Variants in KREMEN1 observed in about 807,000 individuals in gnomAD.
KREMEN1 encodes the protein kringle containing transmembrane protein 1, also known as kremen protein 1.
In KREMEN1, 30 loss-of-function variants were observed where a neutral mutation model predicts 46.5. The observed-to-expected ratio is 0.65, with a 90% CI of 0.48 to 0.88. The LOEUF (loss-of-function observed/expected upper bound fraction) is 0.88, where lower values mean the gene tolerates loss of function less well. Ranked by LOEUF, KREMEN1 falls within the 40% of genes least tolerant of loss-of-function variation. KREMEN1 has a pLI of 0.00. For missense variants in KREMEN1, 533 were observed against 596.9 expected, an observed-to-expected ratio of 0.89 and a Z score of 1.11; for synonymous variants, 214 against 230.6, an observed-to-expected ratio of 0.93 and a Z score of 0.65.
intron 3 of KREMEN1, among the ~76,000 whole-genome samples, chr22:29,119,209 A>T (rs2038292586): frequency 6.6e-6 from 1 of 152,090 alleles, no homozygotes; most frequent in African/African-American, 2.4e-5. Flanking sequence ...AATAAAATTA[A>T]AAGGCTATAG....
chr22:29,147,379 G>A (rs1048541080), downstream of KREMEN1, among the ~76,000 whole-genome samples: 2 of 152,178 alleles, frequency 1.3e-5, no homozygotes, highest in African/African-American at 4.8e-5. Flanking sequence ...TGCCCACTCT[G>A]CGCCAGGCAC....
At chr22:29,126,567 C>T (rs1325290615) in intron 5 of KREMEN1, among the ~76,000 whole-genome samples, 1 of 152,164 alleles carries the variant, frequency 6.6e-6, no homozygotes, top group Non-Finnish European at 1.5e-5. Context: ...TAGGGCCCAC[C>T]TTAATTTAGT....
At chr22:29,167,365 T>TAGAA (rs1233094136) in exon 10 of KREMEN1, 1 of 494,434 alleles carries the variant, frequency 2.0e-6, no homozygotes, top group Non-Finnish European at 3.7e-6. Flanking sequence ...TCTCTAAGAA[T>TAGAA]AGAAAGAAAG....
intron 4 of KREMEN1, 143 bp from the exon 5 acceptor site, chr22:29,125,120 G>A (rs182744458): frequency 5.1e-6 from 4 of 778,722 alleles, no homozygotes; most frequent in East Asian, 2.5e-5. Flanking sequence ...TGTTGCAAGA[G>A]TGGAAGAAGG....
chr22:29,162,078 C>A (rs2039016509), intron 9 of KREMEN1, among the ~76,000 whole-genome samples: 1 of 151,124 alleles, frequency 6.6e-6, no homozygotes, highest in Non-Finnish European at 1.5e-5. Flanking sequence ...GATTGTGTCA[C>A]TGCACTCTAG....
chr22:29,114,427 A>G (rs2038201729), intron 3 of KREMEN1, among the ~76,000 whole-genome samples: 1 of 147,174 alleles, frequency 6.8e-6, no homozygotes, highest in Non-Finnish European at 1.5e-5. Flanking sequence ...TGGAGGTTGC[A>G]GTGAACCAAG....
In KREMEN1 at chr22:29,144,850, C is replaced by T; in HGVS notation, c.*2738C>T. ...GGCCATGCCCAAGCCAATGTGCTGT[C>T]ACAGCCTGCAGCGGGGGCAGCACTT... is the stretch of plus-strand genomic sequence containing the variant. On this transcript the variant is annotated 3_prime_UTR_variant, in exon 9 of 9. Coordinates refer to ENST00000400335, the MANE Select transcript of KREMEN1 (RefSeq NM_001039570.3). 1.0e-6 allele frequency: 1 copy of T among 985,544 alleles called. No individual in the cohort carries two copies. Among genetic ancestry groups the T allele is most frequent in the Non-Finnish European group, 1.2e-6 (1 of 830,008 alleles). The allele number at this position is 985,544 out of a possible 1,614,324, so 61.0% of individuals were successfully genotyped here.
chr22:29,087,570 GTT>G (rs134640), intron 1 of KREMEN1, among the ~76,000 whole-genome samples: 23 of 148,424 alleles, frequency 1.5e-4, no homozygotes, highest in African/African-American at 1.7e-4. Context: ...TACATGTCAA[GTT>G]TTTTTTTTTT....
rs1349796539 is a variant in KREMEN1, at chr22:29,146,667, A to G, written c.*4555A>G. ...ATAGAAACATCATGTATTTTAAAAT[A>G]TAAGATGAAGTGTGACGCACTGTAT... is the stretch of plus-strand genomic sequence containing the variant. On this transcript the variant is annotated 3_prime_UTR_variant, in exon 9 of 9. Transcript: ENST00000400335. 1.0e-6 allele frequency: 1 copy of G among 955,286 alleles called. No homozygotes were observed. Among genetic ancestry groups the G allele is most frequent in the Non-Finnish European group, 1.2e-6 (1 of 802,364 alleles). The allele number at this position is 955,286 out of a possible 1,614,324, so 59.2% of individuals were successfully genotyped here. A position where few individuals can be genotyped will look rare whatever the true frequency, so the allele number is the denominator to read the frequency against.
downstream of KREMEN1, among the ~76,000 whole-genome samples, chr22:29,147,834 C>T (rs2038884263): frequency 6.6e-6 from 1 of 152,206 alleles, no homozygotes; most frequent in African/African-American, 2.4e-5. Flanking sequence ...AGGCTCACAT[C>T]CCAGTTCCAC....
chr22:29,163,770 G>A (rs2039031620), intron 9 of KREMEN1, among the ~76,000 whole-genome samples: 1 of 152,168 alleles, frequency 6.6e-6, no homozygotes, highest in African/African-American at 2.4e-5. Context: ...CTACTAAGGG[G>A]GGAAGGGAGA....
intron 5 of KREMEN1, among the ~76,000 whole-genome samples, chr22:29,132,033 T>C (rs5997446): frequency 0.051 from 7,700 of 151,440 alleles, 666 homozygotes; most frequent in African/African-American, 0.18. Flanking sequence ...CCACCACACA[T>C]GGCTAATTTT....
At chr22:29,131,650 A>ATG (rs2049798043) in intron 5 of KREMEN1, among the ~76,000 whole-genome samples, 3 of 116,248 alleles carry the variant, frequency 2.6e-5, no homozygotes, top group African/African-American at 1.2e-4. Flanking sequence ...GTGTGTATAT[A>ATG]TATGTATATA....
At chr22:29,097,140 G>T (rs997487002) in intron 2 of KREMEN1, among the ~76,000 whole-genome samples, 1 of 152,262 alleles carries the variant, frequency 6.6e-6, no homozygotes, top group South Asian at 2.1e-4. Context: ...TGGCCTGATA[G>T]GGGTTGCTCC....
chr22:29,161,896 A>G (rs907283663), intron 9 of KREMEN1, among the ~76,000 whole-genome samples: 1 of 152,096 alleles, frequency 6.6e-6, no homozygotes, highest in African/African-American at 2.4e-5. Context: ...TGGATAGATC[A>G]CTAGAGGCCA....
chr22:29,168,022 C>T (rs1272397870), exon 10 of KREMEN1: 1 of 152,208 alleles, frequency 6.6e-6, no homozygotes, highest in African/African-American at 2.4e-5. Context: ...TCTGCAAGGT[C>T]CAGTATGAAA....
At chr22:29,094,481 C>G in intron 2 of KREMEN1, 61 bp downstream of exon 2, 2 of 1,429,570 alleles carry the variant, frequency 1.4e-6, no homozygotes, top group Non-Finnish European at 1.9e-6. Context: ...CTTCTTCCAA[C>G]CCCTTTCATC....
rs1295300019 is a variant in KREMEN1 at position 29,144,280 on chromosome 22, C to T, written c.*2168C>T. 2.0e-6 allele frequency: 2 copies of T among 985,536 alleles called. No homozygotes were observed. The highest frequency in any genetic ancestry group is 3.5e-5 in the African/African-American group (2 of 57,258). 61.0% of individuals were successfully genotyped at this position (985,536 alleles called of 1,614,324 possible). A position where few individuals can be genotyped will look rare whatever the true frequency, so the allele number is the denominator to read the frequency against. On this transcript the variant is annotated 3_prime_UTR_variant, in exon 9 of 9. Coordinates refer to ENST00000400335, the MANE Select transcript of KREMEN1 (RefSeq NM_001039570.3). ...TGCCGCCCCTGGGAGGAAAGAGGGC[C>T]ACACAGGAAGTGTCTGCAGGGAGAG... is the stretch of plus-strand genomic sequence containing the variant.
At chr22:29,129,930 A>T (rs549780801) in intron 5 of KREMEN1, among the ~76,000 whole-genome samples, 17 of 152,334 alleles carry the variant, frequency 1.1e-4, no homozygotes, top group Admixed American at 1.0e-3. Context: ...TTATTGAATT[A>T]ACATAACCAA....
Sources: gnomAD v4.1 joint callset for allele counts (sites outside exome capture counted in the v4.1 genomes callset) on GRCh38, gnomAD v4.1.1 for gene constraint, MANE v1.5 for transcripts, NCBI Gene and HGNC (gene_info 2026-07-23, HGNC 2026-07-21) for gene names.